FMN2: variants seen among roughly 807,000 people sequenced by gnomAD.
FMN2 encodes the protein formin 2, also known as formin-2.
In FMN2, 51 loss-of-function variants were observed where a neutral mutation model predicts 142.3. The observed-to-expected ratio is 0.36, with a 90% CI of 0.29 to 0.45. The LOEUF (loss-of-function observed/expected upper bound fraction) is 0.45. Ranked by LOEUF, FMN2 falls within the 20% of genes least tolerant of loss-of-function variation. FMN2 has a pLI of 1.00. For synonymous variants in FMN2, 882 were observed against 869.8 expected (o/e 1.01, Z -0.25); for missense variants, 1,936 against 2,122.8 (o/e 0.91, Z 1.73).
intron 6 of FMN2, among the ~76,000 whole-genome samples, chr1:240,253,858 C>CA: frequency 6.6e-6 from 1 of 151,632 alleles, no homozygotes; most frequent in Non-Finnish European, 1.5e-5. Context: ...TTTTTTTCAT[C>CA]TGTAAGTGTC....
At chr1:240,189,888 G>T (rs1311052684) in intron 4 of FMN2, among the ~76,000 whole-genome samples, 1 of 151,734 alleles carries the variant, frequency 6.6e-6, no homozygotes, top group Non-Finnish European at 1.5e-5. Flanking sequence ...CCTTTTTTTT[G>T]GTGTGGAAAG....
At chr1:240,347,120 A>T (rs905856263) in intron 13 of FMN2, among the ~76,000 whole-genome samples, 2 of 152,218 alleles carry the variant, frequency 1.3e-5, no homozygotes, top group African/African-American at 4.8e-5. Context: ...TGGGGAAACA[A>T]AAACCACATT....
At chr1:240,163,002 A>ATG (rs1237643381) in intron 2 of FMN2, among the ~76,000 whole-genome samples, 1 of 152,148 alleles carries the variant, frequency 6.6e-6, no homozygotes, top group Non-Finnish European at 1.5e-5. Flanking sequence ...TTTTTCAATA[A>ATG]TGTGTGATTT....
chr1:240,333,458 C>T lies in FMN2; in HGVS notation c.4585-429C>T, dbSNP rs553312348. 2.8e-3 allele frequency among the ~76,000 whole-genome samples: 426 copies of T among 152,144 alleles called. 9 individuals are homozygous for T. The highest frequency in any genetic ancestry group is 4.3e-4 in the Non-Finnish European group (29 of 67,984). Reference sequence around the variant, plus strand: ...TTCCCTAATCTATATGCTAATGAGCCTCAATCAAACTTACTGTTGGAGTGG... The same window carrying T: ...TTCCCTAATCTATATGCTAATGAGCTTCAATCAAACTTACTGTTGGAGTGG... On this transcript the variant is annotated intron_variant, in intron 11 of 17. Transcript: ENST00000319653.
At chr1:240,128,389 T>G (rs1272434079) in intron 2 of FMN2, among the ~76,000 whole-genome samples, 1 of 152,246 alleles carries the variant, frequency 6.6e-6, no homozygotes, top group Non-Finnish European at 1.5e-5. Context: ...TATTATATGA[T>G]CTACTTACAT....
chr1:240,288,909 A>G (rs894754601), intron 7 of FMN2, among the ~76,000 whole-genome samples: 2 of 152,102 alleles, frequency 1.3e-5, no homozygotes, highest in African/African-American at 4.8e-5. Context: ...CTTCCTGCAG[A>G]GCCTTCAGAT....
intron 2 of FMN2, among the ~76,000 whole-genome samples, chr1:240,161,832 A>C (rs575334637): frequency 6.6e-6 from 1 of 152,332 alleles, no homozygotes; most frequent in African/African-American, 2.4e-5. Flanking sequence ...GATGATTATA[A>C]ATGTTAATGT....
At chr1:240,178,515 C>T (rs1048716161) in intron 3 of FMN2, among the ~76,000 whole-genome samples, 1 of 149,790 alleles carries the variant, frequency 6.7e-6, no homozygotes, top group East Asian at 2.0e-4. Flanking sequence ...GAGCATGACT[C>T]GCTGCAGTCT....
At chr1:240,471,699 C>CT (rs543443951) in intron 16 of FMN2, 23 of 151,920 alleles carry the variant, frequency 1.5e-4, no homozygotes, top group East Asian at 1.9e-4. Context: ...TTATGTGACA[C>CT]TTTTTTTTTG....
intron 16 of FMN2, 162 bp from the exon 17 acceptor site, chr1:240,472,210 G>C: frequency 1.7e-6 from 1 of 587,848 alleles, no homozygotes; most frequent in Non-Finnish European, 3.0e-6. Flanking sequence ...TGTAACAGTT[G>C]AGGCTTTCAA....
intron 2 of FMN2, among the ~76,000 whole-genome samples, chr1:240,159,932 T>TA (rs1664201347): frequency 1.5e-4 from 12 of 82,460 alleles, no homozygotes; most frequent in South Asian, 6.2e-4. Context: ...TATATATATA[T>TA]TTGTGTATAT....
intron 15 of FMN2, among the ~76,000 whole-genome samples, chr1:240,423,529 T>G (rs141896278): frequency 1.3e-5 from 2 of 152,314 alleles, no homozygotes; most frequent in East Asian, 3.9e-4. Flanking sequence ...CCTATATGGA[T>G]TAAATTAAGT....
At chr1:240,176,764 G>C (rs1351963135) in intron 2 of FMN2, among the ~76,000 whole-genome samples, 3 of 152,186 alleles carry the variant, frequency 2.0e-5, no homozygotes, top group Non-Finnish European at 2.9e-5. Flanking sequence ...AGATACATGA[G>C]TAGCTCAAAT....
chr1:240,316,272 G>T (rs1329077109), intron 8 of FMN2, among the ~76,000 whole-genome samples: 1 of 152,214 alleles, frequency 6.6e-6, no homozygotes, highest in Non-Finnish European at 1.5e-5. Flanking sequence ...GAGGTAGAAG[G>T]ATGTTCATAG....
rs1667862949 is a variant in FMN2 at position 240,240,557 on chromosome 1, A to G, written c.4066-17388A>G. Among the ~76,000 whole-genome samples, 6 of 152,310 alleles carry G rather than the reference A, an allele frequency of 3.9e-5. No individual in the cohort carries two copies. In the South Asian group the frequency reaches 1.2e-3, roughly 32 times the overall value. ...TAACGAAGTACAAAGTGAGATGCTG[A>G]TGCCTGTATTTTGTAGACACATACT... is the stretch of plus-strand genomic sequence containing the variant. On this transcript the variant is annotated intron_variant, in intron 6 of 17. Transcript: ENST00000319653.
At chr1:240,445,703 T>TTTG (rs1675781868) in intron 16 of FMN2, among the ~76,000 whole-genome samples, 1 of 9,208 alleles carries the variant, frequency 1.1e-4, no homozygotes. Flanking sequence ...CATCAAAGGG[T>TTTG]TTTTTTTTTT....
At chr1:240,369,819 C>T (rs1451239950) in intron 14 of FMN2, among the ~76,000 whole-genome samples, 1 of 152,110 alleles carries the variant, frequency 6.6e-6, no homozygotes, top group Non-Finnish European at 1.5e-5. Flanking sequence ...CATCAGGAGG[C>T]ACTACCAACC....
chr1:240,441,883 C>T lies in FMN2; in HGVS notation c.5060+3673C>T, dbSNP rs181697314. Among the ~76,000 whole-genome samples the T allele has an allele frequency of 2.0e-4, 31 of 152,212 alleles. No homozygotes were observed. In the East Asian group the frequency reaches 5.2e-3, roughly 26 times the overall value. ...GTAATAAACATGTTTTCTTGCATAA[C>T]TTGAGTTGATCATTGTAGGTAATAA... is the stretch of plus-strand genomic sequence containing the variant. On this transcript the variant is annotated intron_variant, in intron 16 of 17. Transcript: ENST00000319653.
intron 2 of FMN2, among the ~76,000 whole-genome samples, chr1:240,149,557 G>T (rs1040361212): frequency 6.6e-6 from 1 of 152,174 alleles, no homozygotes; most frequent in East Asian, 1.9e-4. Context: ...ATGTTTCTAA[G>T]CTCAGCAAAT....
Sources: allele counts gnomAD v4.1 joint callset (sites outside exome capture counted in the v4.1 genomes callset), GRCh38; gene constraint gnomAD v4.1.1; transcripts MANE v1.5; gene names NCBI Gene and HGNC (gene_info 2026-07-23, HGNC 2026-07-21).